Variants in SLC25A31 observed in about 807,000 individuals in gnomAD.
The protein encoded by SLC25A31 is solute carrier family 25 member 31, also known as ADP/ATP translocase 4.
A neutral mutation model predicts 36.2 loss-of-function variants in SLC25A31; 40 were observed. That is an observed-to-expected ratio of 1.10 (90% CI 0.86 to 1.44). The LOEUF is 1.44. SLC25A31 is among the 40% of genes most tolerant of loss of function. The probability of loss-of-function intolerance (pLI) is 0.00; values close to 1 mark genes in which losing one functional copy is unlikely to be tolerated. For missense variants in SLC25A31, 350 were observed against 397.1 expected, an observed-to-expected ratio of 0.88 and a Z score of 1.01; for synonymous variants, 143 against 149.7, an observed-to-expected ratio of 0.96 and a Z score of 0.32.
chr4:127,766,193 A>G (rs1732239969), intron 3 of SLC25A31, among the ~76,000 whole-genome samples: 2 of 145,564 alleles, frequency 1.4e-5, no homozygotes, highest in South Asian at 2.2e-4. Context: ...GTTTTGAGAC[A>G]GTCTTTCTCT....
intron 2 of SLC25A31, among the ~76,000 whole-genome samples, chr4:127,749,386 T>C (rs993052058): frequency 2.6e-5 from 4 of 152,130 alleles, no homozygotes; most frequent in Non-Finnish European, 5.9e-5. Context: ...TCTTTGGAAA[T>C]GTATGGACGT....
chr4:127,737,212 T>C (rs1465626408), intron 1 of SLC25A31, among the ~76,000 whole-genome samples: 1 of 152,236 alleles, frequency 6.6e-6, no homozygotes, highest in African/African-American at 2.4e-5. Context: ...GTGACATCTA[T>C]GTAAAACTAT....
intron 2 of SLC25A31, among the ~76,000 whole-genome samples, chr4:127,755,312 G>A (rs1732008923): frequency 6.6e-6 from 1 of 152,092 alleles, no homozygotes; most frequent in South Asian, 2.1e-4. Flanking sequence ...TTCTGAACAG[G>A]AAAGGAAACA....
chr4:127,738,489 C>A (rs1731674082), intron 1 of SLC25A31, among the ~76,000 whole-genome samples: 1 of 152,160 alleles, frequency 6.6e-6, no homozygotes, highest in Non-Finnish European at 1.5e-5. Flanking sequence ...GATATAATTT[C>A]TATTTTTTTG....
At chr4:127,753,095 T>C (rs1449999975) in intron 2 of SLC25A31, among the ~76,000 whole-genome samples, 1 of 152,140 alleles carries the variant, frequency 6.6e-6, no homozygotes, top group Non-Finnish European at 1.5e-5. Flanking sequence ...AACAACATGC[T>C]TCTGAACAAC....
intron 3 of SLC25A31, among the ~76,000 whole-genome samples, chr4:127,765,565 G>T (rs928420172): frequency 6.6e-6 from 1 of 152,134 alleles, no homozygotes; most frequent in African/African-American, 2.4e-5. Context: ...TACAGGGCGT[G>T]TGTGAGTGTG....
intron 1 of SLC25A31, among the ~76,000 whole-genome samples, chr4:127,743,933 T>C (rs1408900155): frequency 6.6e-6 from 1 of 152,180 alleles, no homozygotes; most frequent in East Asian, 1.9e-4. Flanking sequence ...GCCAAAGCAT[T>C]TTACAATTTG....
chr4:127,739,489 CATG>C (rs1731693312), intron 1 of SLC25A31, among the ~76,000 whole-genome samples: 1 of 152,146 alleles, frequency 6.6e-6, no homozygotes, highest in African/African-American at 2.4e-5. Context: ...TCTCTTTGTA[CATG>C]ATCTGACCTT....
At chr4:127,758,963 T>C (rs1159925359) in intron 2 of SLC25A31, among the ~76,000 whole-genome samples, 1 of 152,334 alleles carries the variant, frequency 6.6e-6, no homozygotes, top group South Asian at 2.1e-4. Flanking sequence ...GTCTCTCTTT[T>C]TGGTTCCATA....
chr4:127,763,476 T>C (rs1732181435), intron 2 of SLC25A31, among the ~76,000 whole-genome samples: 1 of 152,160 alleles, frequency 6.6e-6, no homozygotes, highest in Non-Finnish European at 1.5e-5. Context: ...TCATAACAGC[T>C]CCAATTCAGA....
chr4:127,770,795 A>C (rs996869880), intron 5 of SLC25A31, among the ~76,000 whole-genome samples: 11 of 152,030 alleles, frequency 7.2e-5, no homozygotes, highest in African/African-American at 1.2e-4. Flanking sequence ...GGTTTGCTTA[A>C]ACAACAAATT....
intron 2 of SLC25A31, among the ~76,000 whole-genome samples, chr4:127,756,626 T>G (rs1298946854): frequency 6.6e-6 from 1 of 152,228 alleles, no homozygotes; most frequent in Non-Finnish European, 1.5e-5. Flanking sequence ...TATATGTTAA[T>G]TAGCTTGGCC....
rs1369691108 is a variant in SLC25A31 at position 127,735,869 on chromosome 4, T to TA, written c.232+5092_232+5093insA. Among the ~76,000 whole-genome samples the TA allele has an allele frequency of 9.7e-3, 852 of 87,386 alleles. 51 individuals carry two copies. The East Asian group carries it at 0.1, about 10-fold the overall frequency. The allele number at this position is 87,386 out of a possible 152,430, so 57.3% of individuals were successfully genotyped here. Reference sequence around the variant, plus strand: ...CCAAACATGCCTAACATTCTTTTATTTTATTTATTTATTTATTTATTTATT... The same window carrying TA: ...CCAAACATGCCTAACATTCTTTTATTATTATTTATTTATTTATTTATTTATT... On this transcript the variant is annotated intron_variant, in intron 1 of 5. Transcript: ENST00000281154.
At chr4:127,740,330 A>G (rs532697375) in intron 1 of SLC25A31, among the ~76,000 whole-genome samples, 3 of 151,122 alleles carry the variant, frequency 2.0e-5, no homozygotes, top group Non-Finnish European at 4.4e-5. Flanking sequence ...GGGGCTTTTG[A>G]CTTTGCTCTA....
chr4:127,751,487 A>G (rs1560635334), intron 2 of SLC25A31, among the ~76,000 whole-genome samples: 1 of 152,214 alleles, frequency 6.6e-6, no homozygotes, highest in Admixed American at 6.5e-5. Flanking sequence ...AAACCTAGGC[A>G]ATACCATTCT....
Position 127,764,336 on chromosome 4 carries a change from C to T in SLC25A31, c.454C>T (p.Arg152Ter), listed in dbSNP as rs138482370. 2.1e-5 allele frequency: 34 copies of T among 1,613,400 alleles called. No homozygotes were observed. The highest frequency in any genetic ancestry group is 1.6e-4 in the Middle Eastern group (1 of 6,082). ...VVYPLDFART[R>*]LGVDIGKGPE... Reference sequence around the variant, plus strand: ...ATATCCTCTAGATTTTGCCCGAACCCGATTAGGTGTCGATATTGGAAAAGG... The same window carrying T: ...ATATCCTCTAGATTTTGCCCGAACCTGATTAGGTGTCGATATTGGAAAAGG... The change falls in exon 3 of 6, where the codon CGA (arginine) becomes TGA (stop). Residue 152 changes from arginine (R) to a stop codon, truncating the protein, a stop_gained. Coordinates refer to ENST00000281154, the MANE Select transcript of SLC25A31 (RefSeq NM_031291.4). LOFTEE classifies it high-confidence loss of function.
intron 2 of SLC25A31, among the ~76,000 whole-genome samples, chr4:127,746,929 C>T (rs1212204214): frequency 6.6e-6 from 1 of 151,988 alleles, no homozygotes; most frequent in Non-Finnish European, 1.5e-5. Context: ...GTCTTTAATC[C>T]ATCTTGGGTT....
intron 2 of SLC25A31, among the ~76,000 whole-genome samples, chr4:127,745,797 C>T (rs916492888): frequency 6.6e-6 from 1 of 152,094 alleles, no homozygotes; most frequent in Non-Finnish European, 1.5e-5. Flanking sequence ...TATTTAGCTA[C>T]ATGAGGTTTT....
intron 1 of SLC25A31, among the ~76,000 whole-genome samples, chr4:127,731,351 G>A (rs1731521960): frequency 6.6e-6 from 1 of 151,498 alleles, no homozygotes; most frequent in South Asian, 2.1e-4. Context: ...ACTTCGTTCT[G>A]CCCAAAATTC....
Sources: allele counts gnomAD v4.1 joint callset (sites outside exome capture counted in the v4.1 genomes callset), GRCh38; gene constraint gnomAD v4.1.1; transcripts MANE v1.5; gene names NCBI Gene and HGNC (gene_info 2026-07-23, HGNC 2026-07-21).